AEBP2: variants seen among roughly 807,000 people sequenced by gnomAD.
The protein encoded by AEBP2 is AE binding protein 2.
Under a neutral mutation model 50.8 loss-of-function variants are expected in AEBP2, and 10 were observed. The ratio of observed to expected loss-of-function variants is 0.20; its 90% confidence interval spans 0.12 to 0.33. AEBP2 has a LOEUF of 0.33. Ranked by LOEUF, AEBP2 falls within the 10% of genes least tolerant of loss-of-function variation. The pLI is 1.00. For missense variants in AEBP2, 570 were observed against 688.0 expected (o/e 0.83, Z 1.92); for synonymous variants, 296 against 261.3 (o/e 1.13, Z -1.28).
At chr12:19,437,199 C>T (rs922397538), upstream of AEBP2, among the ~76,000 whole-genome samples, 1 of 152,140 alleles carries the variant, frequency 6.6e-6, no homozygotes, top group African/African-American at 2.4e-5. Flanking sequence ...CAGTCTATTA[C>T]TATTAGTTCA....
At chr12:19,423,136 T>G (rs1467764162) in intron 1 of AEBP2, among the ~76,000 whole-genome samples, 1 of 148,576 alleles carries the variant, frequency 6.7e-6, no homozygotes, top group Non-Finnish European at 1.5e-5. Context: ...AGCAGAGTTA[T>G]TAATTGACTT....
chr12:19,437,781 C>T (rs1279558123), upstream of AEBP2, among the ~76,000 whole-genome samples: 1 of 152,150 alleles, frequency 6.6e-6, no homozygotes, highest in African/African-American at 2.4e-5. Context: ...TAAATGATGT[C>T]CCATGTTATT....
At position 19,487,576 on chromosome 12, in the gene AEBP2, A is replaced by G. The variant is rs76864950; in HGVS notation, c.988-6224A>G. On this transcript the variant is annotated intron_variant, in intron 3 of 7. Transcript: ENST00000266508. ...TTTCTAAAAATACAAAAATTAGCCA[A>G]GTGTGGTGGCATGCACCTGTAATCT... 4.6e-5 allele frequency among the ~76,000 whole-genome samples: 7 copies of G among 152,120 alleles called. No homozygotes were observed. The South Asian group carries it at 8.3e-4, about 18-fold the overall frequency.
chr12:19,507,536 C>G (rs1250206241), intron 5 of AEBP2, among the ~76,000 whole-genome samples: 2 of 152,326 alleles, frequency 1.3e-5, no homozygotes, highest in East Asian at 3.9e-4. Flanking sequence ...AGAACATTGA[C>G]ACTTACATAT....
intron 1 of AEBP2, among the ~76,000 whole-genome samples, chr12:19,416,294 T>C (rs1341181410): frequency 1.3e-5 from 2 of 152,240 alleles, no homozygotes; most frequent in Admixed American, 6.5e-5. Context: ...TTTGGAATAA[T>C]AGGATTTGCA....
At chr12:19,418,632 T>C (rs2095743933) in intron 1 of AEBP2, among the ~76,000 whole-genome samples, 1 of 152,152 alleles carries the variant, frequency 6.6e-6, no homozygotes, top group Non-Finnish European at 1.5e-5. Flanking sequence ...TGAGTTGTCC[T>C]GCCTTTCCAG....
At chr12:19,453,132 A>T (rs1041698465) in intron 1 of AEBP2, among the ~76,000 whole-genome samples, 1 of 150,908 alleles carries the variant, frequency 6.6e-6, no homozygotes, top group African/African-American at 2.4e-5. Context: ...CCAGCCCCGG[A>T]TGATTTTTTT....
rs112366318 is a variant in AEBP2, at chr12:19,469,876, T to C, written c.880-3372T>C. ...AGCCAGACCTTAATTCATTTTAAAA[T>C]AGAAGAACCATGGCAAATTATATTC... is the stretch of plus-strand genomic sequence containing the variant. On this transcript the variant is annotated intron_variant, in intron 2 of 7. Coordinates refer to ENST00000266508, the MANE Select transcript of AEBP2 (RefSeq NM_153207.5). Among the ~76,000 whole-genome samples the C allele has an allele frequency of 2.6e-5, 4 of 152,332 alleles. 1 individual carries two copies. The highest frequency in any genetic ancestry group is 9.6e-5 in the African/African-American group (4 of 41,588).
chr12:19,468,304 T>G (rs2153371375), intron 2 of AEBP2, among the ~76,000 whole-genome samples: 1 of 152,282 alleles, frequency 6.6e-6, no homozygotes, highest in South Asian at 2.1e-4. Context: ...CTGGCCTATC[T>G]GACTTTAGAT....
intron 1 of AEBP2, among the ~76,000 whole-genome samples, chr12:19,459,840 C>G (rs1467639235): frequency 6.6e-6 from 1 of 152,132 alleles, no homozygotes; most frequent in Non-Finnish European, 1.5e-5. Flanking sequence ...TTTTTCATAT[C>G]TGAAGCATCC....
intron 5 of AEBP2, among the ~76,000 whole-genome samples, chr12:19,506,905 G>A (rs1022980916): frequency 6.6e-6 from 1 of 152,058 alleles, no homozygotes. Flanking sequence ...TTTTGGCCTG[G>A]GCAGCTCCGT....
chr12:19,404,124 G>A, exon 1 of AEBP2: 1 of 152,354 alleles, frequency 6.6e-6, no homozygotes. Context: ...CCCCAGTCAA[G>A]GTGATTATAT....
intron 5 of AEBP2, among the ~76,000 whole-genome samples, chr12:19,501,768 TTTCCGTCGTCTCC>T (rs1276128884): frequency 2.6e-5 from 4 of 151,334 alleles, no homozygotes; most frequent in African/African-American, 9.7e-5. Flanking sequence ...TGAACCTCTA[TTTCCGTCGTCTCC>T]TATAAAAATG....
At chr12:19,466,502 C>T (rs1323616419) in intron 2 of AEBP2, among the ~76,000 whole-genome samples, 1 of 152,112 alleles carries the variant, frequency 6.6e-6, no homozygotes, top group Admixed American at 6.6e-5. Flanking sequence ...GCTTTAAGTA[C>T]ATTCACCTTA....
chr12:19,411,081 G>A (rs1290963579), intron 1 of AEBP2, among the ~76,000 whole-genome samples: 2 of 152,076 alleles, frequency 1.3e-5, no homozygotes, highest in Non-Finnish European at 2.9e-5. Flanking sequence ...AAGCTTATAG[G>A]GATGTTAACA....
At chr12:19,488,970 G>A (rs577406735) in intron 3 of AEBP2, among the ~76,000 whole-genome samples, 6 of 152,076 alleles carry the variant, frequency 3.9e-5, no homozygotes, top group African/African-American at 7.2e-5. Flanking sequence ...AGTATTTTTA[G>A]TAGAGGCGTG....
At chr12:19,516,535 T>G (rs1949320919) in intron 7 of AEBP2, among the ~76,000 whole-genome samples, 1 of 152,208 alleles carries the variant, frequency 6.6e-6, no homozygotes, top group South Asian at 2.1e-4. Context: ...AGGAAGCAAT[T>G]TAGACATTTT....
intron 5 of AEBP2, among the ~76,000 whole-genome samples, chr12:19,501,797 G>GTTTTTTTTTTTTTTTTTTTTTT (rs754195220): frequency 4.2e-5 from 3 of 70,870 alleles, no homozygotes; most frequent in Admixed American, 1.9e-4. Flanking sequence ...AAATGAGTTT[G>GTTTTTTTTTTTTTTTTTTTTTT]TTTTTTTTTT....
chr12:19,442,435 AGTTTT>A (rs1947978731), intron 1 of AEBP2, among the ~76,000 whole-genome samples: 1 of 152,152 alleles, frequency 6.6e-6, no homozygotes, highest in South Asian at 2.1e-4. Context: ...TATGTGTCAG[AGTTTT>A]GTTTTTAGTT....
Sources: gnomAD v4.1 joint callset for allele counts (sites outside exome capture counted in the v4.1 genomes callset) on GRCh38, gnomAD v4.1.1 for gene constraint, MANE v1.5 for transcripts, NCBI Gene and HGNC (gene_info 2026-07-23, HGNC 2026-07-21) for gene names.